The following GPC6 variants were observed in gnomAD, a reference collection of about 807,000 sequenced individuals.
GPC6 encodes glypican 6.
GPC6 carries 14 observed loss-of-function variants against 55.2 expected under a neutral mutation model. The ratio of observed to expected loss-of-function variants is 0.25; its 90% confidence interval spans 0.17 to 0.40. The LOEUF is 0.40. Ranked by LOEUF, GPC6 falls within the 10% of genes least tolerant of loss-of-function variation. The pLI is 1.00. For synonymous variants in GPC6, 278 were observed against 259.6 expected (o/e 1.07, Z -0.68); for missense variants, 641 against 708.5 (o/e 0.90, Z 1.08).
intron 3 of GPC6, among the ~76,000 whole-genome samples, chr13:93,894,207 C>G (rs1215717037): frequency 6.6e-6 from 1 of 152,178 alleles, no homozygotes; most frequent in Non-Finnish European, 1.5e-5. Flanking sequence ...GGTCTTAACT[C>G]TAACATGCTG....
At chr13:93,258,391 C>A (rs1267743293) in intron 1 of GPC6, among the ~76,000 whole-genome samples, 1 of 152,098 alleles carries the variant, frequency 6.6e-6, no homozygotes, top group Non-Finnish European at 1.5e-5. Context: ...AGGAATAGGG[C>A]TCTCTGTGCC....
chr13:94,296,683 C>T (rs1594142421), intron 5 of GPC6, among the ~76,000 whole-genome samples: 1 of 152,318 alleles, frequency 6.6e-6, no homozygotes, highest in East Asian at 1.9e-4. Flanking sequence ...GGAGTCACAT[C>T]TGTGGGGGAA....
At chr13:94,248,789 A>G (rs1162955422) in intron 4 of GPC6, among the ~76,000 whole-genome samples, 2 of 152,156 alleles carry the variant, frequency 1.3e-5, no homozygotes, top group African/African-American at 4.8e-5. Context: ...ACCTCAGGAC[A>G]TAGGGATATT....
chr13:93,614,096 C>T (rs944251285), intron 2 of GPC6, among the ~76,000 whole-genome samples: 8 of 152,118 alleles, frequency 5.3e-5, no homozygotes, highest in African/African-American at 1.7e-4. Flanking sequence ...TTATTTTCTC[C>T]TCAAATATGT....
chr13:94,359,060 T>TA (rs1446996056), intron 6 of GPC6, among the ~76,000 whole-genome samples: 9 of 152,172 alleles, frequency 5.9e-5, no homozygotes, highest in African/African-American at 1.7e-4. Flanking sequence ...AAGGGGAACT[T>TA]ACTGGTATAT....
intron 6 of GPC6, among the ~76,000 whole-genome samples, chr13:94,353,451 G>A (rs1878649532): frequency 6.6e-6 from 1 of 152,200 alleles, no homozygotes; most frequent in Non-Finnish European, 1.5e-5. Flanking sequence ...GGATTTGGGA[G>A]AGAAAATAAA....
At chr13:93,307,484 C>T (rs1410724408) in intron 1 of GPC6, among the ~76,000 whole-genome samples, 4 of 152,054 alleles carry the variant, frequency 2.6e-5, no homozygotes, top group African/African-American at 7.2e-5. Context: ...TAAAAATACT[C>T]AAAATACTTT....
intron 1 of GPC6, among the ~76,000 whole-genome samples, chr13:93,339,559 G>C (rs552117536): frequency 2.0e-5 from 3 of 151,844 alleles, no homozygotes; most frequent in South Asian, 4.2e-4. Context: ...GAATGCATGA[G>C]CCCCCAGGTC....
At chr13:93,706,470 G>A (rs75850404) in intron 2 of GPC6, among the ~76,000 whole-genome samples, 2,117 of 151,904 alleles carry the variant, frequency 0.014, 61 homozygotes, top group African/African-American at 0.048. Context: ...TTAATAAAAC[G>A]TTTGTTTTTG....
At chr13:93,823,508 A>AATATCTG (rs1418330126) in intron 2 of GPC6, among the ~76,000 whole-genome samples, 1 of 152,116 alleles carries the variant, frequency 6.6e-6, no homozygotes, top group Non-Finnish European at 1.5e-5. Flanking sequence ...CCTGTAATAA[A>AATATCTG]ATATCTGATG....
At chr13:93,642,479 G>A (rs1211692469) in intron 2 of GPC6, among the ~76,000 whole-genome samples, 2 of 151,980 alleles carry the variant, frequency 1.3e-5, no homozygotes, top group African/African-American at 4.8e-5. Context: ...TGTCCTTTTG[G>A]TAGAATGATT....
intron 2 of GPC6, among the ~76,000 whole-genome samples, chr13:93,751,331 G>C (rs1884581376): frequency 6.6e-6 from 1 of 151,746 alleles, no homozygotes; most frequent in Non-Finnish European, 1.5e-5. Context: ...CATTGTGTTA[G>C]TCATTAGGTT....
chr13:93,374,397 C>T (rs1239028122), intron 1 of GPC6, among the ~76,000 whole-genome samples: 1 of 152,106 alleles, frequency 6.6e-6, no homozygotes, highest in African/African-American at 2.4e-5. Context: ...TGATGAGTGG[C>T]AAGGTGATGC....
At chr13:93,962,028 A>G (rs531301453) in intron 3 of GPC6, among the ~76,000 whole-genome samples, 1 of 152,270 alleles carries the variant, frequency 6.6e-6, no homozygotes, top group South Asian at 2.1e-4. Context: ...AGTCCTCACA[A>G]CAGCCCATTC....
intron 1 of GPC6, among the ~76,000 whole-genome samples, chr13:93,408,635 C>A (rs1876384034): frequency 6.6e-6 from 1 of 152,128 alleles, no homozygotes; most frequent in African/African-American, 2.4e-5. Flanking sequence ...CTAAGTAATG[C>A]ATGACAAAAT....
At chr13:94,396,156 C>A (rs1189867532) in intron 7 of GPC6, among the ~76,000 whole-genome samples, 1 of 152,204 alleles carries the variant, frequency 6.6e-6, no homozygotes, top group East Asian at 1.9e-4. Context: ...AGCCCCAGGG[C>A]GCTTCACCTC....
chr13:93,728,197 T>C (rs1421246487), intron 2 of GPC6, among the ~76,000 whole-genome samples: 2 of 104,802 alleles, frequency 1.9e-5, no homozygotes, highest in African/African-American at 3.3e-5. Flanking sequence ...TCAAGTTATC[T>C]TTTTGGTTTT....
chr13:94,036,599 G>A (rs1179007247), intron 4 of GPC6, among the ~76,000 whole-genome samples: 6 of 151,996 alleles, frequency 3.9e-5, no homozygotes, highest in Non-Finnish European at 1.5e-5. Context: ...TTGAAAAAGG[G>A]CCTAATAATT....
At chr13:94,372,220 C>T (rs1321148449) in intron 6 of GPC6, among the ~76,000 whole-genome samples, 4 of 152,192 alleles carry the variant, frequency 2.6e-5, no homozygotes, top group African/African-American at 2.4e-5. Context: ...CCAAGATGGC[C>T]GAATAGGAAC....
Sources: gnomAD v4.1 joint callset for allele counts (sites outside exome capture counted in the v4.1 genomes callset) on GRCh38, gnomAD v4.1.1 for gene constraint, MANE v1.5 for transcripts, NCBI Gene and HGNC (gene_info 2026-07-23, HGNC 2026-07-21) for gene names.